Variants in NOL4 observed in about 807,000 individuals in gnomAD.
The protein encoded by NOL4 is cancer/testis antigen 125.
A neutral mutation model predicts 75.9 loss-of-function variants in NOL4; 17 were observed. That is an observed-to-expected ratio of 0.22 (90% CI 0.15 to 0.34). The LOEUF is 0.34. NOL4 is among the 10% of genes least tolerant of loss of function. NOL4 has a pLI of 1.00. For synonymous variants in NOL4, 292 were observed against 289.9 expected, an observed-to-expected ratio of 1.01 and a Z score of -0.07; for missense variants, 614 against 793.5, an observed-to-expected ratio of 0.77 and a Z score of 2.72.
intron 6 of NOL4, among the ~76,000 whole-genome samples, chr18:33,967,863 G>A (rs942485583): frequency 7.9e-5 from 12 of 152,048 alleles, no homozygotes; most frequent in South Asian, 2.1e-4. Context: ...CGAGGCAGGC[G>A]GATCACAAGA....
rs369203104 is a variant in NOL4, at chr18:34,127,033, GA to G, written c.414+2837del. Among the ~76,000 whole-genome samples the G allele has an allele frequency of 6.7e-4, 101 of 150,526 alleles. 1 individual carries two copies. The highest frequency in any genetic ancestry group is 6.8e-3 in the Middle Eastern group (2 of 292). ...GAGTCACTATAATTCAATAATGATT[GA>G]AAAAAAAATTATGATTGCCTTTACA... On this transcript the variant is annotated intron_variant, in intron 2 of 10. Coordinates refer to ENST00000261592, the MANE Select transcript of NOL4 (RefSeq NM_003787.5).
In NOL4 at chr18:34,019,575, C is replaced by A. The variant is rs1390183471; in HGVS notation, c.799G>T (p.Gly267Cys). 2 of 1,613,112 alleles carry A rather than the reference C, an allele frequency of 1.2e-6. No homozygotes were observed. The highest frequency in any genetic ancestry group is 3.3e-5 in the Admixed American group (2 of 59,952). ...DDDSAAESFN[G>C]NETLGHSSIA... Reference sequence around the variant, plus strand: ...GAACTGTGCCCCAGAGTCTCATTGCCATTAAAGCTCTCTGCAGCAGAATCA... The same window carrying A: ...GAACTGTGCCCCAGAGTCTCATTGCAATTAAAGCTCTCTGCAGCAGAATCA... The change falls in exon 6 of 11, where the codon GGC (glycine) becomes TGC (cysteine). Residue 267 changes from glycine (G) to cysteine (C), a missense_variant. By Grantham distance (159) the Gly-to-Cys change is radical. Coordinates refer to ENST00000261592, the MANE Select transcript of NOL4 (RefSeq NM_003787.5).
At chr18:34,018,535 G>A (rs769612621) in intron 6 of NOL4, among the ~76,000 whole-genome samples, 1 of 152,016 alleles carries the variant, frequency 6.6e-6, no homozygotes, top group Non-Finnish European at 1.5e-5. Context: ...TAGAGGTAAG[G>A]GCTGGGGAAG....
At chr18:33,917,073 T>A (rs1012269988) in intron 9 of NOL4, among the ~76,000 whole-genome samples, 2 of 152,192 alleles carry the variant, frequency 1.3e-5, no homozygotes, top group African/African-American at 4.8e-5. Flanking sequence ...AGCAGCTTTT[T>A]TTTCATTTTA....
intron 9 of NOL4, among the ~76,000 whole-genome samples, chr18:33,937,609 A>G (rs987933030): frequency 6.6e-6 from 1 of 152,068 alleles, no homozygotes; most frequent in Admixed American, 6.6e-5. Context: ...CTTCTTGCTA[A>G]CATGCAAAAG....
intron 9 of NOL4, among the ~76,000 whole-genome samples, chr18:33,912,221 C>G (rs1451779553): frequency 2.0e-5 from 3 of 151,978 alleles, no homozygotes; most frequent in Non-Finnish European, 2.9e-5. Context: ...TTTCCTGAGT[C>G]CTTCCTCATT....
intron 9 of NOL4, among the ~76,000 whole-genome samples, chr18:33,901,694 A>T (rs2065756878): frequency 6.6e-6 from 1 of 152,058 alleles, no homozygotes; most frequent in Admixed American, 6.6e-5. Flanking sequence ...CTAGGTTTTC[A>T]CTAAAATTTA....
intron 1 of NOL4, among the ~76,000 whole-genome samples, chr18:34,161,497 T>A (rs2031473635): frequency 6.6e-6 from 1 of 152,188 alleles, no homozygotes; most frequent in Non-Finnish European, 1.5e-5. Flanking sequence ...CTCCACGACC[T>A]CTCCAGCATT....
chr18:34,051,787 AGT>A (rs935781421), intron 5 of NOL4, among the ~76,000 whole-genome samples: 1 of 151,694 alleles, frequency 6.6e-6, no homozygotes, highest in Admixed American at 6.6e-5. Context: ...TGTGTGAGAG[AGT>A]GTGTGTGTGT....
At chr18:34,199,821 TTTAA>T (rs2035606038) in intron 1 of NOL4, among the ~76,000 whole-genome samples, 1 of 151,992 alleles carries the variant, frequency 6.6e-6, no homozygotes, top group African/African-American at 2.4e-5. Flanking sequence ...GCACCAATTA[TTTAA>T]TTGTTCATTT....
At chr18:34,073,247 A>G (rs567402586) in intron 5 of NOL4, among the ~76,000 whole-genome samples, 1 of 152,186 alleles carries the variant, frequency 6.6e-6, no homozygotes, top group East Asian at 1.9e-4. Context: ...ATATGACTAC[A>G]CGCTCTACAG....
intron 9 of NOL4, among the ~76,000 whole-genome samples, chr18:33,927,201 C>T (rs988804929): frequency 1.3e-5 from 2 of 152,098 alleles, no homozygotes; most frequent in Non-Finnish European, 2.9e-5. Flanking sequence ...CAATAAGCAC[C>T]TGGAATGTAA....
At chr18:34,093,634 C>T (rs201917108) in intron 4 of NOL4, 37 bp from the exon 5 acceptor site, 158 of 1,446,896 alleles carry the variant, frequency 1.1e-4, no homozygotes, top group South Asian at 1.5e-4. Context: ...AGCATTTTAA[C>T]GTATAATACG....
intron 4 of NOL4, among the ~76,000 whole-genome samples, chr18:34,096,605 A>C (rs1239242583): frequency 6.6e-6 from 1 of 152,126 alleles, no homozygotes; most frequent in Non-Finnish European, 1.5e-5. Context: ...CATTCATCTA[A>C]TTCCTTTCCT....
intron 9 of NOL4, among the ~76,000 whole-genome samples, chr18:33,940,632 G>T (rs1434560971): frequency 1.3e-5 from 2 of 151,854 alleles, no homozygotes; most frequent in Non-Finnish European, 2.9e-5. Flanking sequence ...AACCACCATG[G>T]CACATGTATA....
At chr18:33,910,834 T>C (rs1379284402) in intron 9 of NOL4, among the ~76,000 whole-genome samples, 1 of 152,092 alleles carries the variant, frequency 6.6e-6, no homozygotes, top group Admixed American at 6.6e-5. Context: ...AACAAAAGTA[T>C]ACAACCCTCT....
chr18:34,195,439 T>A lies in NOL4; in HGVS notation c.264+27551A>T, dbSNP rs554214051. Reference sequence around the variant, plus strand: ...TCTCAAATAACAAAATATTTATCAATGTAGAAATTGATGTAGGGAAGAAAA... The same window carrying A: ...TCTCAAATAACAAAATATTTATCAAAGTAGAAATTGATGTAGGGAAGAAAA... On this transcript the variant is annotated intron_variant, in intron 1 of 10. Coordinates refer to ENST00000261592, the MANE Select transcript of NOL4 (RefSeq NM_003787.5). Among the ~76,000 whole-genome samples the A allele has an allele frequency of 2.6e-5, 4 of 152,266 alleles. No individual in the cohort carries two copies. In the South Asian group the frequency reaches 8.3e-4, roughly 32 times the overall value.
intron 5 of NOL4, among the ~76,000 whole-genome samples, chr18:34,040,650 G>C (rs2144792820): frequency 6.6e-6 from 1 of 152,070 alleles, no homozygotes; most frequent in East Asian, 1.9e-4. Flanking sequence ...TTAAGCCATA[G>C]TCTGTGTACT....
chr18:34,104,272 A>C (rs1011697852), intron 3 of NOL4, 113 bp from the exon 4 acceptor site: 1 of 682,254 alleles, frequency 1.5e-6, no homozygotes, highest in Non-Finnish European at 2.6e-6. Context: ...AAGTGTCTTA[A>C]AGCATGGTAG....
Sources: gnomAD v4.1 joint callset for allele counts (sites outside exome capture counted in the v4.1 genomes callset) on GRCh38, gnomAD v4.1.1 for gene constraint, MANE v1.5 for transcripts, NCBI Gene and HGNC (gene_info 2026-07-23, HGNC 2026-07-21) for gene names.